Variants in CNKSR2 observed in about 807,000 individuals in gnomAD.
CNKSR2 encodes connector enhancer of kinase suppressor of Ras 2.
In CNKSR2, 14 loss-of-function variants were observed where a neutral mutation model predicts 84.4. The ratio of observed to expected loss-of-function variants is 0.17; its 90% CI spans 0.11 to 0.26. CNKSR2 has a LOEUF of 0.26. Among genes scored for constraint, CNKSR2 ranks in the 10% least tolerant of loss-of-function variants. CNKSR2 has a pLI of 1.00. For synonymous variants in CNKSR2, 275 were observed against 277.9 expected (o/e 0.99, Z 0.10); for missense variants, 485 against 771.2 (o/e 0.63, Z 4.40).
At chrX:21,584,154 C>T (rs1256029660) in intron 13 of CNKSR2, among the ~76,000 whole-genome samples, 2 of 112,020 alleles carry the variant, frequency 1.8e-5, no homozygotes, top group Non-Finnish European at 3.8e-5. Context: ...AAGACAATCT[C>T]AGTGCAAGTA....
intron 13 of CNKSR2, among the ~76,000 whole-genome samples, chrX:21,589,127 G>A (rs1263230855): frequency 8.9e-6 from 1 of 111,966 alleles, no homozygotes; most frequent in African/African-American, 3.2e-5. Flanking sequence ...GTGTGTGTAT[G>A]TGTGTACACA....
Position 21,497,646 on chromosome X carries a change from G to A in CNKSR2, c.682-141G>A, listed in dbSNP as rs1417208718. The A allele has an allele frequency of 8.8e-6, 4 of 452,732 alleles. No homozygotes were observed. In the Admixed American group the frequency reaches 1.2e-4, roughly 14 times the overall value. The allele number at this position is 452,732 out of a possible 1,213,427, so 37.3% of individuals were successfully genotyped here. On this transcript the variant is annotated intron_variant, in intron 6 of 21. Coordinates refer to ENST00000379510, the MANE Select transcript of CNKSR2 (RefSeq NM_014927.5). ...GTAATTTCTCACCAGTTTAAAGATA[G>A]CGTCTGTCTTCATGGATTTATTTCT...
At chrX:21,523,810 A>G (rs1355810567) in intron 9 of CNKSR2, among the ~76,000 whole-genome samples, 1 of 110,795 alleles carries the variant, frequency 9.0e-6, no homozygotes, top group Non-Finnish European at 1.9e-5. Context: ...TGCATCATTT[A>G]TTCTGTACTT....
intron 5 of CNKSR2, among the ~76,000 whole-genome samples, chrX:21,479,829 T>A (rs1158429236): frequency 2.7e-5 from 3 of 109,514 alleles, no homozygotes; most frequent in Non-Finnish European, 5.7e-5. Context: ...AGAGTTAGGA[T>A]GATGCTGTGA....
At chrX:21,389,105 A>G (rs1601723532) in intron 1 of CNKSR2, among the ~76,000 whole-genome samples, 1 of 107,770 alleles carries the variant, frequency 9.3e-6, no homozygotes, top group African/African-American at 3.4e-5. Flanking sequence ...ATTTAAGGAC[A>G]TTTTTCAGAA....
At chrX:21,613,438 A>G (rs188617981) in intron 20 of CNKSR2, among the ~76,000 whole-genome samples, 41 of 111,758 alleles carry the variant, frequency 3.7e-4, no homozygotes, top group African/African-American at 1.2e-3. Flanking sequence ...GATGTCCTTT[A>G]TCATTGTCTT....
rs780020762 is a variant in CNKSR2 at position 21,381,641 on chromosome X, C to T, written c.64+6680C>T. On this transcript the variant is annotated intron_variant, in intron 1 of 21. Transcript: ENST00000379510. ...TTAGGATAAAGGTCAAAGTCCTTAA[C>T]ATGGCCTATAAGACTCTTGAAGGTT... 5.7e-4 allele frequency among the ~76,000 whole-genome samples: 64 copies of T among 112,300 alleles called. 1 individual carries two copies. Among genetic ancestry groups the T allele is most frequent in the African/African-American group, 2.0e-3 (61 of 30,941 alleles).
At chrX:21,387,454 C>T (rs2089985267) in intron 1 of CNKSR2, among the ~76,000 whole-genome samples, 1 of 111,387 alleles carries the variant, frequency 9.0e-6, no homozygotes, top group African/African-American at 3.3e-5. Context: ...TGTACTCCAG[C>T]CTGGGTGATA....
At chrX:21,399,890 A>G (rs1269152545) in intron 1 of CNKSR2, among the ~76,000 whole-genome samples, 1 of 111,517 alleles carries the variant, frequency 9.0e-6, no homozygotes, top group African/African-American at 3.3e-5. Context: ...GAGTTATTCA[A>G]TTTTCTCATT....
At chrX:21,553,526 T>C (rs1448837838) in intron 11 of CNKSR2, among the ~76,000 whole-genome samples, 2 of 106,640 alleles carry the variant, frequency 1.9e-5, no homozygotes, top group Admixed American at 2.0e-4. Context: ...AAAGTGATGT[T>C]TCCATTACAA....
At chrX:21,638,158 T>A (rs891704798) in intron 20 of CNKSR2, among the ~76,000 whole-genome samples, 7 of 112,148 alleles carry the variant, frequency 6.2e-5, no homozygotes, top group African/African-American at 1.6e-4. Context: ...TTCAACTGTT[T>A]TATATTTAGC....
chrX:21,592,072 C>T (rs1026421143), intron 15 of CNKSR2: 1 of 111,432 alleles, frequency 9.0e-6, no homozygotes, highest in African/African-American at 3.3e-5. Context: ...ATTATGCCTA[C>T]GATTACAAAA....
intron 20 of CNKSR2, among the ~76,000 whole-genome samples, chrX:21,612,801 C>A (rs2092557123): frequency 8.9e-6 from 1 of 111,957 alleles, no homozygotes; most frequent in Admixed American, 9.4e-5. Flanking sequence ...TTTGGCCCTG[C>A]TTATAAAGTA....
intron 21 of CNKSR2, among the ~76,000 whole-genome samples, chrX:21,650,125 T>C (rs1569292821): frequency 9.0e-6 from 1 of 111,315 alleles, no homozygotes; most frequent in African/African-American, 3.3e-5. Context: ...CACATGTACA[T>C]GTATGTTTAT....
intron 8 of CNKSR2, among the ~76,000 whole-genome samples, chrX:21,507,502 G>A (rs1174985317): frequency 9.0e-6 from 1 of 111,289 alleles, no homozygotes; most frequent in East Asian, 2.8e-4. Flanking sequence ...AGCCATTACA[G>A]AAGTTTTTCT....
At chrX:21,620,611 C>A (rs1232919487) in intron 20 of CNKSR2, among the ~76,000 whole-genome samples, 1 of 111,093 alleles carries the variant, frequency 9.0e-6, no homozygotes, top group Non-Finnish European at 1.9e-5. Flanking sequence ...TGTTGAAGAG[C>A]CTTACTTACA....
At chrX:21,484,214 CGAG>C (rs1214853646) in intron 5 of CNKSR2, among the ~76,000 whole-genome samples, 1 of 111,268 alleles carries the variant, frequency 9.0e-6, no homozygotes, top group Admixed American at 9.6e-5. Context: ...TCACTTGCAC[CGAG>C]GAGTCAGAGG....
chrX:21,398,345 C>T (rs771959092), intron 1 of CNKSR2, among the ~76,000 whole-genome samples: 1 of 111,924 alleles, frequency 8.9e-6, no homozygotes, highest in Non-Finnish European at 1.9e-5. Flanking sequence ...ATATAAAATA[C>T]TTTTTTTCAC....
intron 1 of CNKSR2, among the ~76,000 whole-genome samples, chrX:21,399,891 T>C (rs761066520): frequency 2.7e-5 from 3 of 111,632 alleles, no homozygotes; most frequent in Non-Finnish European, 5.7e-5. Flanking sequence ...AGTTATTCAA[T>C]TTTCTCATTT....
Sources: gnomAD v4.1 joint callset for allele counts (sites outside exome capture counted in the v4.1 genomes callset) on GRCh38, gnomAD v4.1.1 for gene constraint, MANE v1.5 for transcripts, NCBI Gene and HGNC (gene_info 2026-07-23, HGNC 2026-07-21) for gene names.